COMMD9: variants seen among roughly 807,000 people sequenced by gnomAD.
COMMD9 encodes the protein COMM domain-containing protein 9.
A neutral mutation model predicts 23.4 loss-of-function variants in COMMD9; 22 were observed. The observed-to-expected ratio is 0.94, with a 90% CI of 0.67 to 1.34. The LOEUF (loss-of-function observed/expected upper bound fraction) is 1.34, where lower values mean the gene tolerates loss of function less well. COMMD9 is among the 40% of genes most tolerant of loss of function. The pLI, the probability that COMMD9 is intolerant of heterozygous loss-of-function variation, is 0.00. For synonymous variants in COMMD9, 99 were observed against 97.4 expected, an observed-to-expected ratio of 1.02 and a Z score of -0.10; for missense variants, 231 against 240.2, an observed-to-expected ratio of 0.96 and a Z score of 0.25.
chr11:36,275,887 G>C (rs1353374136), intron 5 of COMMD9, among the ~76,000 whole-genome samples: 1 of 152,210 alleles, frequency 6.6e-6, no homozygotes, highest in Non-Finnish European at 1.5e-5. Flanking sequence ...ACTGCTAAGA[G>C]TATAGGGTTA....
intron 1 of COMMD9, among the ~76,000 whole-genome samples, chr11:36,287,587 A>C (rs1011229498): frequency 4.0e-5 from 6 of 151,874 alleles, no homozygotes; most frequent in Admixed American, 2.0e-4. Context: ...ATTTATAATT[A>C]TCTCATAATA....
At chr11:36,282,980 C>T (rs1347691733) in intron 1 of COMMD9, among the ~76,000 whole-genome samples, 9 of 152,158 alleles carry the variant, frequency 5.9e-5, no homozygotes, top group Non-Finnish European at 1.3e-4. Context: ...ATGAAGAACC[C>T]AGAGTCTGAT....
chr11:36,289,071 A>G (rs1448279262), intron 1 of COMMD9, among the ~76,000 whole-genome samples: 1 of 152,146 alleles, frequency 6.6e-6, no homozygotes, highest in Admixed American at 6.5e-5. Context: ...AGCAATTACC[A>G]CTTCAATGCA....
intron 5 of COMMD9, among the ~76,000 whole-genome samples, chr11:36,275,369 T>G (rs903942652): frequency 6.6e-6 from 1 of 151,470 alleles, no homozygotes; most frequent in African/African-American, 2.4e-5. Context: ...AACTATAAAA[T>G]GAAGACAACA....
At chr11:36,274,829 A>C in intron 5 of COMMD9, 57 bp from the exon 6 acceptor site, 1 of 1,602,900 alleles carries the variant, frequency 6.2e-7, no homozygotes. Flanking sequence ...ATATCCCTGT[A>C]AGTGAGCCCT....
chr11:36,278,169 C>T (rs962336567), intron 3 of COMMD9: 25 of 275,260 alleles, frequency 9.1e-5, no homozygotes, highest in South Asian at 3.8e-4. Context: ...ATTTCACTAT[C>T]GTTAATACTG....
intron 1 of COMMD9, among the ~76,000 whole-genome samples, chr11:36,285,170 T>C (rs1265458555): frequency 6.6e-6 from 1 of 152,032 alleles, no homozygotes. Context: ...AGGAATGAAA[T>C]AGAGGATATT....
intron 1 of COMMD9, among the ~76,000 whole-genome samples, chr11:36,284,143 A>AC (rs1856112824): frequency 6.7e-6 from 1 of 148,500 alleles, no homozygotes; most frequent in African/African-American, 2.5e-5. Context: ...AACAACAACA[A>AC]ATCTCCCTTC....
In COMMD9 at chr11:36,285,866, A is replaced by G. The variant is rs1220518548; in HGVS notation, c.51+3496T>C. ...TATTGATAAAAGCCCTGAGAAAAAT[A>G]GGAATAGAAGAGAACTTCCTTATCT... is the stretch of plus-strand genomic sequence containing the variant. On this transcript the variant is annotated intron_variant, in intron 1 of 5. Coordinates refer to ENST00000263401, the MANE Select transcript of COMMD9 (RefSeq NM_014186.4). 3.9e-5 allele frequency among the ~76,000 whole-genome samples: 6 copies of G among 152,336 alleles called. No homozygotes were observed. The South Asian group carries it at 1.0e-3, about 26-fold the overall frequency.
chr11:36,280,426 C>A (rs989448712), intron 2 of COMMD9, among the ~76,000 whole-genome samples: 9 of 152,188 alleles, frequency 5.9e-5, no homozygotes, highest in Non-Finnish European at 8.8e-5. Context: ...CTGCCCTAAG[C>A]TATCCAGCTA....
intron 2 of COMMD9, 139 bp from the exon 3 acceptor site, chr11:36,278,755 C>T: frequency 1.3e-6 from 1 of 784,914 alleles, no homozygotes; most frequent in Non-Finnish European, 1.9e-6. Context: ...GTCCAGAGGC[C>T]TCTGTGGCAC....
chr11:36,281,050 C>G (rs932390488), intron 1 of COMMD9, among the ~76,000 whole-genome samples: 1 of 152,120 alleles, frequency 6.6e-6, no homozygotes, highest in African/African-American at 2.4e-5. Context: ...AGAAAACATA[C>G]ATAAGACTCT....
chr11:36,276,523 T>C, intron 4 of COMMD9: 1 of 357,326 alleles, frequency 2.8e-6, no homozygotes, highest in Non-Finnish European at 5.1e-6. Context: ...AGAAGTGACA[T>C]AAAGCAGAGA....
In COMMD9 at chr11:36,276,055, G is replaced by A. The variant is rs772236083; in HGVS notation, c.456+82C>T. On this transcript the variant is annotated intron_variant, in intron 5 of 5. Transcript: ENST00000263401. ...AATTTAAAAAAATATATGGGTTAGA[G>A]ATCCCAAACCTTGGAGACTAGTGTT... 33 of 1,004,922 alleles carry A rather than the reference G, an allele frequency of 3.3e-5. No individual in the cohort carries two copies. In the African/African-American group the frequency reaches 4.6e-4, roughly 14 times the overall value. The allele number at this position is 1,004,922 out of a possible 1,614,324, so 62.3% of individuals were successfully genotyped here.
At chr11:36,276,617 C>G (rs1365581570) in intron 4 of COMMD9, 2 of 220,684 alleles carry the variant, frequency 9.1e-6, no homozygotes, top group African/African-American at 4.5e-5. Flanking sequence ...ATGGACTTGA[C>G]TTGAATACAG....
Position 36,274,648 on chromosome 11 carries a change from G to A in COMMD9, c.581C>T (p.Ala194Val), listed in dbSNP as rs979819820. 6 of 1,614,140 alleles carry A rather than the reference G, an allele frequency of 3.7e-6. No homozygotes were observed. The African/African-American group carries it at 6.7e-5, about 18-fold the overall frequency. Residue 194 changes from alanine to valine, a missense_variant, in exon 6 of 6, where the codon GCC (alanine) becomes GTC (valine). Transcript: ENST00000263401. ...GLGRIRDQLSAVASK is the reference protein window; with the variant it reads ...GLGRIRDQLSVVASK Reference sequence around the variant, plus strand: ...CTGGCTGGATCATTTACTGGCCACGGCAGAGAGTTGGTCTCGGATGCGGCC... The same window carrying A: ...CTGGCTGGATCATTTACTGGCCACGACAGAGAGTTGGTCTCGGATGCGGCC...
chr11:36,276,012 G>C (rs1855963905), intron 5 of COMMD9, 125 bp downstream of exon 5: 2 of 656,348 alleles, frequency 3.0e-6, no homozygotes, highest in Non-Finnish European at 5.5e-6. Context: ...CTAAACAAAG[G>C]AGGATAAAGG....
At chr11:36,288,838 T>C (rs577419367) in intron 1 of COMMD9, among the ~76,000 whole-genome samples, 2 of 152,262 alleles carry the variant, frequency 1.3e-5, no homozygotes, top group East Asian at 1.9e-4. Context: ...TACAAAGCCC[T>C]ATGAAGTAGG....
intron 4 of COMMD9, 63 bp from the exon 5 acceptor site, chr11:36,276,303 C>T (rs1314382177): frequency 9.3e-6 from 11 of 1,176,872 alleles, no homozygotes; most frequent in South Asian, 3.7e-5. Context: ...ATTTATTGTA[C>T]GACAGGCGGC....
Sources: gnomAD v4.1 joint callset for allele counts (sites outside exome capture counted in the v4.1 genomes callset) on GRCh38, gnomAD v4.1.1 for gene constraint, MANE v1.5 for transcripts, NCBI Gene and HGNC (gene_info 2026-07-23, HGNC 2026-07-21) for gene names.